The following JKAMP variants were observed in gnomAD, a reference collection of about 807,000 sequenced individuals.
JKAMP encodes the protein JNK1/MAPK8-associated membrane protein.
A neutral mutation model predicts 40.2 loss-of-function variants in JKAMP; 20 were observed. The ratio of observed to expected loss-of-function variants is 0.50; its 90% CI spans 0.35 to 0.72. The LOEUF is 0.72. Ranked by LOEUF, JKAMP falls within the 30% of genes least tolerant of loss-of-function variation. JKAMP has a pLI of 0.01. For synonymous variants in JKAMP, 138 were observed against 131.6 expected, an observed-to-expected ratio of 1.05 and a Z score of -0.33; for missense variants, 276 against 373.0, an observed-to-expected ratio of 0.74 and a Z score of 2.14.
At chr14:59,501,414 T>C in intron 6 of JKAMP, 147 bp downstream of exon 6, 1 of 582,544 alleles carries the variant, frequency 1.7e-6, no homozygotes, top group South Asian at 2.4e-5. Context: ...TTTGGCTTGT[T>C]AACTTTATGA....
At chr14:59,484,746 C>T (rs1292269077) in intron 1 of JKAMP, 153 bp downstream of exon 1, 2 of 1,063,848 alleles carry the variant, frequency 1.9e-6, no homozygotes, top group African/African-American at 1.6e-5. Flanking sequence ...GGGCTCCGCA[C>T]TCCTGCGGGG....
At chr14:59,485,317 A>T (rs1423752982) in intron 1 of JKAMP, 2 of 497,014 alleles carry the variant, frequency 4.0e-6, no homozygotes, top group Non-Finnish European at 6.8e-6. Context: ...TTAATTTAGA[A>T]CATTGTGATT....
intron 4 of JKAMP, among the ~76,000 whole-genome samples, chr14:59,498,443 T>G (rs1415089129): frequency 6.6e-6 from 1 of 152,232 alleles, no homozygotes; most frequent in Non-Finnish European, 1.5e-5. Flanking sequence ...CCTGGTTGTT[T>G]CCCTTGGATA....
chr14:59,501,776 C>T (rs1891901441), intron 6 of JKAMP, among the ~76,000 whole-genome samples: 1 of 152,132 alleles, frequency 6.6e-6, no homozygotes, highest in East Asian at 1.9e-4. Flanking sequence ...CATTAATAGC[C>T]ACATTATTCT....
At chr14:59,484,715 G>T (rs1890380156) in intron 1 of JKAMP, 122 bp downstream of exon 1, 13 of 1,259,028 alleles carry the variant, frequency 1.0e-5, no homozygotes, top group Non-Finnish European at 1.5e-5. Context: ...CTCGCCCCTT[G>T]ACCCCGCCCG....
Position 59,484,518 on chromosome 14 carries a change from T to C in JKAMP, c.-72T>C. Reference sequence around the variant, plus strand: ...GGAGGCGGAGCCGCCGAGCTCGCTGTGGCCCGGATGTTCGGTGCAGCTGCC... The same window carrying C: ...GGAGGCGGAGCCGCCGAGCTCGCTGCGGCCCGGATGTTCGGTGCAGCTGCC... On this transcript the variant is annotated 5_prime_UTR_variant, in exon 1 of 7. Transcript: ENST00000616435. The C allele has an allele frequency of 6.5e-7, 1 of 1,542,824 alleles. No individual in the cohort carries two copies. Among genetic ancestry groups the C allele is most frequent in the Non-Finnish European group, 8.8e-7 (1 of 1,138,916 alleles).
At chr14:59,496,903 A>G (rs1005472326) in intron 4 of JKAMP, among the ~76,000 whole-genome samples, 2 of 152,104 alleles carry the variant, frequency 1.3e-5, no homozygotes, top group African/African-American at 4.8e-5. Flanking sequence ...GTTTAGGCAT[A>G]TTATTTATTT....
rs754261436 is a variant in JKAMP, at chr14:59,484,556, C to T, written c.-34C>T. 12 of 1,567,842 alleles carry T rather than the reference C, an allele frequency of 7.7e-6. No homozygotes were observed. Among genetic ancestry groups the T allele is most frequent in the African/African-American group, 2.7e-5 (2 of 73,496 alleles). On this transcript the variant is annotated 5_prime_UTR_variant, in exon 1 of 7. Coordinates refer to ENST00000616435, the MANE Select transcript of JKAMP (RefSeq NM_016475.5). ...CGGTGCAGCTGCCAGATCCGCTGAT[C>T]TAGTGCTTCTCGAAAAAAACCTTCA...
chr14:59,486,930 G>A, intron 2 of JKAMP, 126 bp downstream of exon 2: 1 of 699,276 alleles, frequency 1.4e-6, no homozygotes, highest in South Asian at 1.9e-5. Flanking sequence ...ACCAGGCGCA[G>A]TGGCTCATGC....
At position 59,504,325 on chromosome 14, in the gene JKAMP, C is replaced by G; in HGVS notation, c.*253C>G. 2.2e-6 allele frequency: 1 copy of G among 444,720 alleles called. No homozygotes were observed. Among genetic ancestry groups the G allele is most frequent in the Non-Finnish European group, 4.0e-6 (1 of 250,528 alleles). 27.5% of individuals were successfully genotyped at this position (444,720 alleles called of 1,614,324 possible). On this transcript the variant is annotated 3_prime_UTR_variant, in exon 7 of 7. Transcript: ENST00000616435. ...AGGCCGCTAGGAAGCCCTTGCTTCTCTCAACAGTTCAGCTGTTCTTTAGGG... is the reference window on the plus strand; with the variant it reads ...AGGCCGCTAGGAAGCCCTTGCTTCTGTCAACAGTTCAGCTGTTCTTTAGGG...
Position 59,495,009 on chromosome 14 carries a change from C to A in JKAMP, c.252-9C>A. On this transcript the variant is annotated splice_polypyrimidine_tract_variant and intron_variant, in intron 3 of 6. Transcript: ENST00000616435. ...TTTTCTAGTAATCATGCCTCTTTTC[C>A]TTCTCTAGTTCCAGCGCACTTTTCC... 6.2e-7 allele frequency: 1 copy of A among 1,607,570 alleles called. No individual in the cohort carries two copies. The highest frequency in any genetic ancestry group is 8.5e-7 in the Non-Finnish European group (1 of 1,174,638).
At chr14:59,486,273 A>T (rs17255794) in intron 1 of JKAMP, among the ~76,000 whole-genome samples, 12 of 152,224 alleles carry the variant, frequency 7.9e-5, no homozygotes. Flanking sequence ...GTGTTCTGTT[A>T]TGAACATAGG....
intron 6 of JKAMP, 41 bp downstream of exon 6, chr14:59,501,308 A>C (rs1308625648): frequency 1.6e-6 from 2 of 1,253,406 alleles, no homozygotes; most frequent in African/African-American, 3.0e-5. Flanking sequence ...CTTTTTGATA[A>C]ATTTGACAAT....
In JKAMP at chr14:59,501,258, T is replaced by C. The variant is rs1891856293; in HGVS notation, c.708T>C (p.Ser236=). ...LVTLAVYMSA[S]EIENCYDLLV... ...CTCTGGCTGTGTACATGTCTGCTTC[T>C]GAAATAGAGGTAGGAAGTCTTTTTT... The change falls in exon 6 of 7, where the codon TCT becomes TCC. Residue 236 remains serine (S), a synonymous_variant. Coordinates refer to ENST00000616435, the MANE Select transcript of JKAMP (RefSeq NM_016475.5). 6 of 1,593,448 alleles carry C rather than the reference T, an allele frequency of 3.8e-6. No individual in the cohort carries two copies. The highest frequency in any genetic ancestry group is 3.4e-6 in the Non-Finnish European group (4 of 1,163,742).
intron 2 of JKAMP, chr14:59,487,446 T>A: frequency 2.7e-6 from 1 of 372,810 alleles, no homozygotes; most frequent in South Asian, 7.5e-5. Context: ...GTTAGTCAAC[T>A]ATTTTAGTAA....
rs1277617799 is a variant in JKAMP, at chr14:59,504,542, A to G, written c.*470A>G. 6.5e-6 allele frequency: 1 copy of G among 154,202 alleles called. No homozygotes were observed. 9.6% of individuals were successfully genotyped at this position (154,202 alleles called of 1,614,324 possible). A position where few individuals can be genotyped will look rare whatever the true frequency, so the allele number is the denominator to read the frequency against. On this transcript the variant is annotated 3_prime_UTR_variant, in exon 7 of 7. Coordinates refer to ENST00000616435, the MANE Select transcript of JKAMP (RefSeq NM_016475.5). ...CTGATAGCAAACATAGAAATGATGT[A>G]TATTGTTTTTTGTTATCTATTTATT...
intron 1 of JKAMP, chr14:59,485,264 C>A (rs1253105): frequency 0.4 from 272,263 of 682,296 alleles, 59,330 homozygotes; most frequent in African/African-American, 0.63. Context: ...CAATTCCTTA[C>A]CTTCTGCATT....
chr14:59,488,590 A>G (rs770343626), intron 3 of JKAMP, among the ~76,000 whole-genome samples: 4 of 152,210 alleles, frequency 2.6e-5, no homozygotes, highest in Non-Finnish European at 5.9e-5. Flanking sequence ...AATGAAGAAA[A>G]GTAATATAAA....
Position 59,504,224 on chromosome 14 carries a change from T to G in JKAMP, c.*152T>G, listed in dbSNP as rs35105149. The G allele has an allele frequency of 1.6e-6, 1 of 618,814 alleles. No homozygotes were observed. Among genetic ancestry groups the G allele is most frequent in the Non-Finnish European group, 2.8e-6 (1 of 353,320 alleles). 38.3% of individuals were successfully genotyped at this position (618,814 alleles called of 1,614,324 possible). A position where few individuals can be genotyped will look rare whatever the true frequency, so the allele number is the denominator to read the frequency against. ...GGGTTTGTCTTTGTTTTGTTTATGG[T>G]TAGACTTACAGACTTGGAAAATGCA... On this transcript the variant is annotated 3_prime_UTR_variant, in exon 7 of 7. Transcript: ENST00000616435.
Sources: gnomAD v4.1 joint callset for allele counts (sites outside exome capture counted in the v4.1 genomes callset) on GRCh38, gnomAD v4.1.1 for gene constraint, MANE v1.5 for transcripts, NCBI Gene and HGNC (gene_info 2026-07-23, HGNC 2026-07-21) for gene names.